TOP2B: variants seen among roughly 807,000 people sequenced by gnomAD.
TOP2B encodes DNA topoisomerase II beta.
In TOP2B, 51 loss-of-function variants were observed where a neutral mutation model predicts 193.5. The ratio of observed to expected loss-of-function variants is 0.26; its 90% confidence interval spans 0.21 to 0.33. The LOEUF is 0.33. Among genes scored for constraint, TOP2B ranks in the 10% least tolerant of loss-of-function variants. The pLI is 1.00. For synonymous variants in TOP2B, 634 were observed against 635.7 expected, an observed-to-expected ratio of 1.00 and a Z score of 0.04; for missense variants, 1,378 against 1,909.3, an observed-to-expected ratio of 0.72 and a Z score of 5.19.
At chr3:25,663,380 G>A (rs888789819) in intron 1 of TOP2B, among the ~76,000 whole-genome samples, 2 of 152,206 alleles carry the variant, frequency 1.3e-5, no homozygotes, top group African/African-American at 4.8e-5. Context: ...TAGGTTTTCT[G>A]TATAGGAAAT....
intron 11 of TOP2B, 103 bp from the exon 12 acceptor site, chr3:25,630,572 C>A: frequency 1.0e-6 from 1 of 994,296 alleles, no homozygotes; most frequent in Non-Finnish European, 1.4e-6. Flanking sequence ...CAGTGAAAGA[C>A]TATAAAAGTT....
chr3:25,603,055 G>T (rs1233935797), intron 33 of TOP2B, among the ~76,000 whole-genome samples: 1 of 152,164 alleles, frequency 6.6e-6, no homozygotes, highest in East Asian at 1.9e-4. Context: ...GAAGAAGGAA[G>T]CAAGTAGGAT....
At position 25,618,481 on chromosome 3, in the gene TOP2B, T is replaced by C. The variant is rs371050869; in HGVS notation, c.3288A>G (p.Gln1096=). The change falls in exon 25 of 36, where the codon CAA becomes CAG. Residue 1096 remains glutamine (Q), a synonymous_variant. Coordinates refer to ENST00000264331, the MANE Select transcript of TOP2B (RefSeq NM_001330700.2). ...IENRSKKDLI[Q]MLVQRGYESD... ...ATTCATAACCTCTCTGGACTAACAT[T>C]TGAATCAAATCTTTCTTTGACCTAT... The C allele has an allele frequency of 1.9e-6, 3 of 1,612,698 alleles. No homozygotes were observed. Among genetic ancestry groups the C allele is most frequent in the African/African-American group, 2.7e-5 (2 of 74,916 alleles).
At chr3:25,637,406 G>T in intron 5 of TOP2B, 94 bp from the exon 6 acceptor site, 2 of 791,456 alleles carry the variant, frequency 2.5e-6, no homozygotes, top group Non-Finnish European at 2.0e-6. Context: ...TTGCAAAACT[G>T]TTCCACTAAC....
intron 4 of TOP2B, among the ~76,000 whole-genome samples, chr3:25,640,752 CTTTTTTT>C (rs372465937): frequency 1.8e-4 from 19 of 106,994 alleles, no homozygotes; most frequent in African/African-American, 5.6e-4. Flanking sequence ...TCTTCGTTGT[CTTTTTTT>C]TTTTTTTTTT....
intron 5 of TOP2B, 129 bp from the exon 6 acceptor site, chr3:25,637,441 A>G: frequency 1.6e-6 from 1 of 617,204 alleles, no homozygotes; most frequent in Non-Finnish European, 2.9e-6. Context: ...CCAATTGAAG[A>G]TTCCAGAGTA....
At chr3:25,638,093 T>C (rs1477257786) in intron 5 of TOP2B, 72 bp downstream of exon 5, 1 of 1,367,740 alleles carries the variant, frequency 7.3e-7, no homozygotes, top group African/African-American at 1.5e-5. Flanking sequence ...AACTGCACAA[T>C]TTCCTTAGTA....
At chr3:25,617,413 A>T (rs928702976) in intron 25 of TOP2B, among the ~76,000 whole-genome samples, 4 of 152,174 alleles carry the variant, frequency 2.6e-5, no homozygotes, top group Non-Finnish European at 5.9e-5. Flanking sequence ...CTATTATCTT[A>T]ATATGTAATT....
intron 6 of TOP2B, 55 bp downstream of exon 6, chr3:25,637,160 G>A (rs959460604): frequency 1.8e-5 from 24 of 1,362,346 alleles, no homozygotes; most frequent in African/African-American, 4.4e-5. Context: ...CTACTATCTC[G>A]GCAAGATAAT....
chr3:25,613,614 G>C (rs1338581728), intron 27 of TOP2B, among the ~76,000 whole-genome samples: 7 of 151,994 alleles, frequency 4.6e-5, no homozygotes, highest in Non-Finnish European at 8.8e-5. Context: ...ACATGTCCCA[G>C]CTACTCAGGA....
intron 3 of TOP2B, 62 bp downstream of exon 3, chr3:25,643,632 T>G (rs1213407784): frequency 1.6e-6 from 2 of 1,264,808 alleles, no homozygotes; most frequent in African/African-American, 3.0e-5. Context: ...TGGCTTTATA[T>G]ATAAAAGGAC....
chr3:25,630,128 A>G lies in TOP2B; in HGVS notation c.1590T>C (p.Asn530=), dbSNP rs1007485287. The G allele has an allele frequency of 1.3e-6, 2 of 1,566,800 alleles. No individual in the cohort carries two copies. The highest frequency in any genetic ancestry group is 2.4e-5 in the East Asian group (1 of 42,360). The change falls in exon 13 of 36, where the codon AAT becomes AAC. Residue 530 remains asparagine, a synonymous_variant. Transcript: ENST00000264331. Reference sequence around the variant, plus strand: ...ATTGTAGACCAACTATTTTAATAATATTATTTATTTCAGCATTTTCCATGA... The same window carrying G: ...ATTGTAGACCAACTATTTTAATAATGTTATTTATTTCAGCATTTTCCATGA... ...KQIMENAEIN[N]IIKIVGLQYK... is the part of the protein sequence containing the mutation.
intron 7 of TOP2B, among the ~76,000 whole-genome samples, chr3:25,635,080 G>A (rs1415077250): frequency 6.6e-6 from 1 of 152,140 alleles, no homozygotes; most frequent in Non-Finnish European, 1.5e-5. Context: ...TGGAAGAGCT[G>A]CAAGAGACAG....
Position 25,626,763 on chromosome 3 carries a change from A to C in TOP2B, c.2109+9T>G. 1 of 1,600,656 alleles carries C rather than the reference A, an allele frequency of 6.2e-7. No individual in the cohort carries two copies. The highest frequency in any genetic ancestry group is 8.5e-7 in the Non-Finnish European group (1 of 1,171,130). On this transcript the variant is annotated intron_variant, in intron 17 of 35. Transcript: ENST00000264331. ...TTCTTTCCCCAGGTCACCACTCTTTAAGACTAACCTCTGGTAAGCCATGTA... is the reference window on the plus strand; with the variant it reads ...TTCTTTCCCCAGGTCACCACTCTTTCAGACTAACCTCTGGTAAGCCATGTA...
chr3:25,599,377 A>G, intron 35 of TOP2B, 58 bp downstream of exon 35: 1 of 1,529,968 alleles, frequency 6.5e-7, no homozygotes, highest in South Asian at 1.2e-5. Context: ...AAACTAAGTC[A>G]CTTACAGATC....
chr3:25,639,421 C>A (rs907220072), intron 4 of TOP2B, among the ~76,000 whole-genome samples: 1 of 152,176 alleles, frequency 6.6e-6, no homozygotes. Context: ...AATTCTCCTG[C>A]CTCAGCCTCC....
At chr3:25,654,295 A>T (rs1400707422) in intron 1 of TOP2B, among the ~76,000 whole-genome samples, 1 of 152,196 alleles carries the variant, frequency 6.6e-6, no homozygotes, top group Non-Finnish European at 1.5e-5. Flanking sequence ...AGTAACCATG[A>T]CCAATCAAAA....
intron 23 of TOP2B, 57 bp from the exon 24 acceptor site, chr3:25,618,906 T>C (rs1702584185): frequency 7.0e-6 from 9 of 1,277,488 alleles, no homozygotes; most frequent in Non-Finnish European, 9.5e-6. Flanking sequence ...TATTTTAACT[T>C]ATATAACATC....
intron 1 of TOP2B, among the ~76,000 whole-genome samples, chr3:25,655,147 C>A (rs1198381028): frequency 6.6e-6 from 1 of 152,068 alleles, no homozygotes; most frequent in African/African-American, 2.4e-5. Context: ...ATCTGTAAAC[C>A]ATCAAATGGT....
Sources: allele counts gnomAD v4.1 joint callset (sites outside exome capture counted in the v4.1 genomes callset), GRCh38; gene constraint gnomAD v4.1.1; transcripts MANE v1.5; gene names NCBI Gene and HGNC (gene_info 2026-07-23, HGNC 2026-07-21).